Variants in COMMD4 observed in about 807,000 individuals in gnomAD.
COMMD4 encodes the protein COMM domain containing 4.
Under a neutral mutation model 27.5 loss-of-function variants are expected in COMMD4, and 18 were observed. The observed-to-expected ratio is 0.65, with a 90% confidence interval of 0.45 to 0.97. COMMD4 has a LOEUF of 0.97. COMMD4 is among the 50% of genes least tolerant of loss of function. The pLI, the probability that COMMD4 is intolerant of heterozygous loss-of-function variation, is 0.00. For missense variants in COMMD4, 243 were observed against 250.0 expected (o/e 0.97, Z 0.19); for synonymous variants, 108 against 108.4 (o/e 1.00, Z 0.02).
rs1209418753 is a variant in COMMD4 at position 75,338,651 on chromosome 15, G to A, written c.147G>A (p.Glu49=). The A allele has an allele frequency of 1.2e-6, 2 of 1,613,988 alleles. No homozygotes were observed. Among genetic ancestry groups the A allele is most frequent in the East Asian group, 2.2e-5 (1 of 44,868 alleles). ...AAGGTCTCCTTTCCCCATAGTATGA[G>A]AAGATCCTGAAGCTCACGGCTGACG... ...KELLGQGIDY[E]KILKLTADAK... is the part of the protein sequence containing the mutation. Residue 49 remains glutamate (E), a synonymous_variant, in exon 4 of 8, where the codon GAG becomes GAA. Transcript: ENST00000267935.
In COMMD4 at chr15:75,339,802, G is replaced by A; in HGVS notation, c.483G>A (p.Val161=). The A allele has an allele frequency of 1.9e-6, 3 of 1,614,120 alleles. No individual in the cohort carries two copies. Among genetic ancestry groups the A allele is most frequent in the South Asian group, 1.1e-5 (1 of 91,060 alleles). The stretch of plus-strand genomic sequence containing the variant: ...CCATGGTGCACCTGCGGCTGGAGGT[G>A]GCAGCTGCCCCAGGGACCCCAGCCC... The part of the protein sequence containing the change: ...EEPMVHLRLE[V]AAAPGTPAQP... Residue 161 remains valine (V), a synonymous_variant, in exon 7 of 8, where the codon GTG becomes GTA. Transcript: ENST00000267935.
intron 1 of COMMD4, 128 bp downstream of exon 1, chr15:75,336,220 CTGTG>C (rs1595832499): frequency 6.5e-7 from 1 of 1,542,302 alleles, no homozygotes; most frequent in Non-Finnish European, 8.8e-7. Context: ...GGCGTGAGGG[CTGTG>C]AGTCTGGTAG....
chr15:75,341,713 C>T (rs1263770354), downstream of COMMD4: 2 of 151,942 alleles, frequency 1.3e-5, no homozygotes, highest in African/African-American at 4.8e-5. Flanking sequence ...TACAAAAGTG[C>T]TAACATTCAT....
At position 75,339,070 on chromosome 15, in the gene COMMD4, G is replaced by A; in HGVS notation, c.267G>A (p.Leu89=). 6.2e-7 allele frequency: 1 copy of A among 1,613,764 alleles called. No individual in the cohort carries two copies. The highest frequency in any genetic ancestry group is 1.1e-5 in the South Asian group (1 of 91,072). ...AGCACAGTGTCGATGGCGAATCCTT[G>A]TCCAGTGAACTGCAGCAGCTGGGGC... ...AAKHSVDGES[L]SSELQQLGLP... is the part of the protein sequence containing the mutation. The change falls in exon 5 of 8, where the codon TTG becomes TTA. Residue 89 remains leucine, a synonymous_variant. Coordinates refer to ENST00000267935, the MANE Select transcript of COMMD4 (RefSeq NM_017828.5).
At chr15:75,336,142 G>C (rs1214629682) in intron 1 of COMMD4, 50 bp downstream of exon 1, 2 of 1,549,648 alleles carry the variant, frequency 1.3e-6, no homozygotes, top group African/African-American at 1.4e-5. Flanking sequence ...GCGGGAATGA[G>C]GGGGCGCCAA....
Position 75,340,165 on chromosome 15 carries a change from C to G in COMMD4, c.*160C>G. 2 of 783,632 alleles carry G rather than the reference C, an allele frequency of 2.6e-6. No homozygotes were observed. Among genetic ancestry groups the G allele is most frequent in the South Asian group, 3.6e-5 (2 of 55,390 alleles). 48.5% of individuals were successfully genotyped at this position (783,632 alleles called of 1,614,324 possible). A position where few individuals can be genotyped will look rare whatever the true frequency, so the allele number is the denominator to read the frequency against. ...AGCTGCCTCACTTCTCTCTTGAGAA[C>G]TTGGCTCAGGGCTCCTGAGGACCTT... On this transcript the variant is annotated 3_prime_UTR_variant, in exon 8 of 8. Transcript: ENST00000267935.
At chr15:75,338,507 T>C in intron 3 of COMMD4, 87 bp downstream of exon 3, 2 of 1,576,326 alleles carry the variant, frequency 1.3e-6, no homozygotes, top group Non-Finnish European at 1.7e-6. Flanking sequence ...GGGAGACGGG[T>C]GAGCCAGCCT....
At chr15:75,342,128 G>A (rs2071433520), downstream of COMMD4, 1 of 143,050 alleles carries the variant, frequency 7.0e-6, no homozygotes, top group South Asian at 2.2e-4. Flanking sequence ...ATATTTTTCA[G>A]CCCTTAAAAA....
At chr15:75,338,763 A>G in intron 4 of COMMD4, 78 bp downstream of exon 4, 1 of 1,507,140 alleles carries the variant, frequency 6.6e-7, no homozygotes, top group Non-Finnish European at 9.1e-7. Flanking sequence ...GGGGCCCCCC[A>G]CCCCTCCCAG....
At chr15:75,337,025 T>C (rs2071223398) in intron 1 of COMMD4, 1 of 152,202 alleles carries the variant, frequency 6.6e-6, no homozygotes, top group African/African-American at 2.4e-5. Context: ...ATCACCACAA[T>C]CAAGATAATG....
At chr15:75,342,484 A>G (rs1490954687), downstream of COMMD4, 2 of 151,920 alleles carry the variant, frequency 1.3e-5, no homozygotes, top group African/African-American at 2.4e-5. Context: ...GCTGCAGTGA[A>G]CCATGATAGT....
At chr15:75,337,590 CAAAA>C (rs1187298844) in intron 1 of COMMD4, 11 of 93,220 alleles carry the variant, frequency 1.2e-4, no homozygotes, top group South Asian at 3.2e-4. Flanking sequence ...GAAACTGTCT[CAAAA>C]AAAAAAAAAA....
At chr15:75,339,411 G>A (rs2141296678) in intron 6 of COMMD4, 67 bp downstream of exon 6, 1 of 1,573,936 alleles carries the variant, frequency 6.4e-7, no homozygotes, top group African/African-American at 1.4e-5. Flanking sequence ...AAAGTGCATG[G>A]AGAGTCCAGG....
Position 75,336,070 on chromosome 15 carries a change from G to C in COMMD4, c.-20G>C. ...GCGGGACCGGAAAAAGAAATTCCCG[G>C]GCCCTGGCTTCTTGGCGCGATGGTG... On this transcript the variant is annotated 5_prime_UTR_variant, in exon 1 of 8. Coordinates refer to ENST00000267935, the MANE Select transcript of COMMD4 (RefSeq NM_017828.5). 2 of 1,549,680 alleles carry C rather than the reference G, an allele frequency of 1.3e-6. No homozygotes were observed. Among genetic ancestry groups the C allele is most frequent in the Non-Finnish European group, 1.7e-6 (2 of 1,146,812 alleles).
Position 75,340,186 on chromosome 15 carries a change from A to G in COMMD4, c.*181A>G, listed in dbSNP as rs2071409142. ...AGAACTTGGCTCAGGGCTCCTGAGG[A>G]CCTTTCCCAGCATTACCTTCCCTTC... On this transcript the variant is annotated 3_prime_UTR_variant, in exon 8 of 8. Transcript: ENST00000267935. 1 of 634,660 alleles carries G rather than the reference A, an allele frequency of 1.6e-6. No homozygotes were observed. Among genetic ancestry groups the G allele is most frequent in the African/African-American group, 1.8e-5 (1 of 54,538 alleles). The allele number at this position is 634,660 out of a possible 1,614,324, so 39.3% of individuals were successfully genotyped here. A position where few individuals can be genotyped will look rare whatever the true frequency, so the allele number is the denominator to read the frequency against.
chr15:75,336,251 C>T lies in COMMD4; in HGVS notation c.3+159C>T, dbSNP rs921645703. ...GTCTGGTAGGGAAAAGTCCACCACTCTCCCGCTCCCGAGACGGGGGCGGGG... is the reference window on the plus strand; with the variant it reads ...GTCTGGTAGGGAAAAGTCCACCACTTTCCCGCTCCCGAGACGGGGGCGGGG... On this transcript the variant is annotated intron_variant, in intron 1 of 7. Coordinates refer to ENST00000267935, the MANE Select transcript of COMMD4 (RefSeq NM_017828.5). 2.0e-6 allele frequency: 3 copies of T among 1,516,216 alleles called. No homozygotes were observed. The South Asian group carries it at 3.7e-5, about 19-fold the overall frequency. The allele number at this position is 1,516,216 out of a possible 1,614,324, so 93.9% of individuals were successfully genotyped here.
chr15:75,336,688 T>C (rs914736716), intron 1 of COMMD4: 20 of 155,758 alleles, frequency 1.3e-4, no homozygotes, highest in Admixed American at 1.3e-4. Flanking sequence ...AGGCTTGAAT[T>C]GGAGTCATAG....
downstream of COMMD4, chr15:75,342,527 C>A (rs1401778439): frequency 6.6e-6 from 1 of 151,956 alleles, no homozygotes; most frequent in East Asian, 1.9e-4. Context: ...GACAGTGAGA[C>A]CCTGTCTCAA....
At chr15:75,339,440 T>G (rs759068236) in intron 6 of COMMD4, 96 bp downstream of exon 6, 2 of 1,511,532 alleles carry the variant, frequency 1.3e-6, no homozygotes, top group Non-Finnish European at 1.8e-6. Context: ...TTAACCACGG[T>G]CACATGGTTA....
Sources: gnomAD v4.1 joint callset for allele counts on GRCh38, gnomAD v4.1.1 for gene constraint, MANE v1.5 for transcripts, NCBI Gene and HGNC (gene_info 2026-07-23, HGNC 2026-07-21) for gene names.